The following ZMYM4 variants were observed in gnomAD, a reference collection of about 807,000 sequenced individuals.
The protein encoded by ZMYM4 is zinc finger MYM-type containing 4.
Under a neutral mutation model 183.2 loss-of-function variants are expected in ZMYM4, and 31 were observed. The observed-to-expected ratio is 0.17, with a 90% CI of 0.13 to 0.23. The LOEUF is 0.23. ZMYM4 is among the 10% of genes least tolerant of loss of function. ZMYM4 has a pLI of 1.00. For synonymous variants in ZMYM4, 592 were observed against 631.2 expected (o/e 0.94, Z 0.93); for missense variants, 1,273 against 1,840.3 (o/e 0.69, Z 5.64).
intron 5 of ZMYM4, among the ~76,000 whole-genome samples, chr1:35,365,011 T>G (rs1644034909): frequency 6.6e-6 from 1 of 152,150 alleles, no homozygotes; most frequent in South Asian, 2.1e-4. Context: ...CAGTTTCATT[T>G]CTTCATTCTA....
At chr1:35,304,483 G>A (rs1192766511) in intron 1 of ZMYM4, among the ~76,000 whole-genome samples, 1 of 150,152 alleles carries the variant, frequency 6.7e-6, no homozygotes, top group Non-Finnish European at 1.5e-5. Context: ...TTTGAGACGG[G>A]ATCTGGCTCT....
intron 1 of ZMYM4, 71 bp from the exon 2 acceptor site, chr1:35,325,285 TAGGG>T: frequency 2.2e-6 from 3 of 1,361,208 alleles, no homozygotes; most frequent in Non-Finnish European, 3.1e-6. Flanking sequence ...CCTTGGGGAA[TAGGG>T]AGGGATACCA....
intron 2 of ZMYM4, chr1:35,350,671 T>C: frequency 3.4e-6 from 1 of 295,390 alleles, no homozygotes; most frequent in Non-Finnish European, 6.5e-6. Context: ...CCAGCACTGC[T>C]GGGCCTGCAG....
At chr1:35,383,942 T>C (rs2148971921) in intron 9 of ZMYM4, among the ~76,000 whole-genome samples, 1 of 150,932 alleles carries the variant, frequency 6.6e-6, no homozygotes, top group South Asian at 2.1e-4. Flanking sequence ...CTGGGATGTT[T>C]TTAGGATTAT....
intron 5 of ZMYM4, among the ~76,000 whole-genome samples, chr1:35,368,784 T>G (rs957865837): frequency 6.6e-6 from 1 of 152,176 alleles, no homozygotes; most frequent in African/African-American, 2.4e-5. Context: ...GCGGAAACAT[T>G]AAATGGACCA....
At chr1:35,359,941 G>A (rs1316488730) in intron 3 of ZMYM4, among the ~76,000 whole-genome samples, 3 of 151,144 alleles carry the variant, frequency 2.0e-5, no homozygotes, top group Non-Finnish European at 4.4e-5. Flanking sequence ...TTATGTTTTA[G>A]AAGTTTCTTG....
At chr1:35,367,371 G>A (rs550131655) in intron 5 of ZMYM4, among the ~76,000 whole-genome samples, 1 of 151,996 alleles carries the variant, frequency 6.6e-6, no homozygotes, top group African/African-American at 2.4e-5. Context: ...TGGGATTACA[G>A]GCGTGCACCA....
At chr1:35,286,902 G>A (rs1191719380) in intron 1 of ZMYM4, among the ~76,000 whole-genome samples, 1 of 138,186 alleles carries the variant, frequency 7.2e-6, no homozygotes, top group Non-Finnish European at 1.5e-5. Flanking sequence ...GATTATAGGT[G>A]TGAACCACCC....
chr1:35,404,126 G>A lies in ZMYM4; in HGVS notation c.3529-897G>A, dbSNP rs996980572. Among the ~76,000 whole-genome samples, 42 of 152,202 alleles carry A rather than the reference G, an allele frequency of 2.8e-4. 1 individual carries two copies. Among genetic ancestry groups the A allele is most frequent in the Admixed American group, 2.4e-3 (37 of 15,280 alleles). Reference sequence around the variant, plus strand: ...GTCACCCAGGCTGGAGTGCAGTGGCGTAATCATGGCTCGCTGCAACCTCAA... The same window carrying A: ...GTCACCCAGGCTGGAGTGCAGTGGCATAATCATGGCTCGCTGCAACCTCAA... On this transcript the variant is annotated intron_variant, in intron 23 of 29. Transcript: ENST00000314607.
At chr1:35,386,851 C>A in intron 11 of ZMYM4, 152 bp from the exon 12 acceptor site, 1 of 740,004 alleles carries the variant, frequency 1.4e-6, no homozygotes. Context: ...AGACTCCCCC[C>A]ATTCCGTAAT....
chr1:35,287,604 T>A (rs940849510), intron 1 of ZMYM4, among the ~76,000 whole-genome samples: 1 of 151,856 alleles, frequency 6.6e-6, no homozygotes, highest in African/African-American at 2.4e-5. Context: ...TTTTTATTTT[T>A]ATTTTATTTT....
intron 1 of ZMYM4, among the ~76,000 whole-genome samples, chr1:35,319,740 G>A (rs1642204679): frequency 6.6e-6 from 1 of 152,168 alleles, no homozygotes; most frequent in Non-Finnish European, 1.5e-5. Context: ...AGTAGCAACA[G>A]GGAAAGACTA....
At chr1:35,287,728 C>T (rs1010452144) in intron 1 of ZMYM4, among the ~76,000 whole-genome samples, 1 of 152,064 alleles carries the variant, frequency 6.6e-6, no homozygotes, top group Non-Finnish European at 1.5e-5. Context: ...GCCTTAGCCT[C>T]CCATGTAGCT....
At chr1:35,275,201 A>T (rs905308957) in intron 1 of ZMYM4, among the ~76,000 whole-genome samples, 7 of 152,000 alleles carry the variant, frequency 4.6e-5, no homozygotes, top group African/African-American at 1.7e-4. Context: ...TACTTTAAAG[A>T]TTATGTTTGT....
Position 35,420,337 on chromosome 1 carries a change from T to G in ZMYM4, c.*660T>G, listed in dbSNP as rs1396511016. The G allele has an allele frequency of 6.5e-6, 1 of 153,550 alleles. No individual in the cohort carries two copies. The highest frequency in any genetic ancestry group is 1.5e-5 in the Non-Finnish European group (1 of 68,784). The allele number at this position is 153,550 out of a possible 1,614,324, so 9.5% of individuals were successfully genotyped here. On this transcript the variant is annotated 3_prime_UTR_variant, in exon 30 of 30. Transcript: ENST00000314607. ...TCCCTTTCATTTTCTGGATCAAGCCTTCTCAGCGGTGGGTCTGGATGTGGG... is the reference window on the plus strand; with the variant it reads ...TCCCTTTCATTTTCTGGATCAAGCCGTCTCAGCGGTGGGTCTGGATGTGGG...
intron 1 of ZMYM4, among the ~76,000 whole-genome samples, chr1:35,270,604 C>T (rs1639546463): frequency 6.6e-6 from 1 of 152,006 alleles, no homozygotes. Flanking sequence ...ACTAAAAATA[C>T]AAAAAATTAA....
chr1:35,389,990 G>C lies in ZMYM4; in HGVS notation c.2479G>C (p.Glu827Gln), dbSNP rs769471920. 1 of 1,613,680 alleles carries C rather than the reference G, an allele frequency of 6.2e-7. No individual in the cohort carries two copies. The highest frequency in any genetic ancestry group is 8.5e-7 in the Non-Finnish European group (1 of 1,179,800). Residue 827 changes from glutamate to glutamine, a missense_variant, in exon 15 of 30, where the codon GAG (glutamate) becomes CAG (glutamine). Coordinates refer to ENST00000314607, the MANE Select transcript of ZMYM4 (RefSeq NM_005095.3). The surrounding 1 kb of genome is among the most constrained non-coding windows in gnomAD (Gnocchi z 4.0). ...DACKRQGKLS[E>Q]SLKWRGEMKH... Reference sequence around the variant, plus strand: ...TTGTAAGCGACAGGGTAAACTCAGTGAGTCCTTGAAATGGCGAGGGGAAAT... The same window carrying C: ...TTGTAAGCGACAGGGTAAACTCAGTCAGTCCTTGAAATGGCGAGGGGAAAT...
rs545336119 is a variant in ZMYM4, at chr1:35,365,052, G to A, written c.840+3263G>A. Among the ~76,000 whole-genome samples the A allele has an allele frequency of 6.6e-5, 10 of 152,078 alleles. No individual in the cohort carries two copies. The South Asian group carries it at 1.7e-3, about 25-fold the overall frequency. On this transcript the variant is annotated intron_variant, in intron 5 of 29. Transcript: ENST00000314607. ...ATTGCATGTTTCTATAATGTTTTCT[G>A]TAGTATTTTTACAGTTACAGATGCT...
chr1:35,410,593 A>G (rs1197612984), intron 26 of ZMYM4, among the ~76,000 whole-genome samples: 1 of 150,692 alleles, frequency 6.6e-6, no homozygotes, highest in Non-Finnish European at 1.5e-5. Context: ...GGTTCACGCC[A>G]TTTTCCTGCG....
Sources: gnomAD v4.1 joint callset for allele counts (sites outside exome capture counted in the v4.1 genomes callset) on GRCh38, gnomAD v4.1.1 for gene constraint, Gnocchi (gnomAD v3.1) non-coding constraint, MANE v1.5 for transcripts, NCBI Gene and HGNC (gene_info 2026-07-23, HGNC 2026-07-21) for gene names.